Variants in MITF observed in about 807,000 individuals in gnomAD.
MITF encodes melanocyte inducing transcription factor, also known as microphthalmia-associated transcription factor.
MITF carries 17 observed loss-of-function variants against 60.5 expected under a neutral mutation model. The ratio of observed to expected loss-of-function variants is 0.28; its 90% CI spans 0.19 to 0.42. MITF has a LOEUF of 0.42. Among genes scored for constraint, MITF ranks in the 10% least tolerant of loss-of-function variants. The pLI, the probability that MITF is intolerant of heterozygous loss-of-function variation, is 1.00. For synonymous variants in MITF, 260 were observed against 248.5 expected (o/e 1.05, Z -0.43); for missense variants, 622 against 683.5 (o/e 0.91, Z 1.00).
chr3:69,783,441 G>A (rs1199998996), intron 1 of MITF, among the ~76,000 whole-genome samples: 3 of 151,282 alleles, frequency 2.0e-5, no homozygotes, highest in Non-Finnish European at 2.9e-5. Flanking sequence ...GTTTGTATGT[G>A]TGTGTGTGCA....
At chr3:69,849,652 T>C (rs1374489559) in intron 1 of MITF, among the ~76,000 whole-genome samples, 1 of 152,196 alleles carries the variant, frequency 6.6e-6, no homozygotes, top group Non-Finnish European at 1.5e-5. Flanking sequence ...TTGAGGCTAG[T>C]ACTCTCTGAC....
At chr3:69,770,225 T>C (rs905610455) in intron 1 of MITF, among the ~76,000 whole-genome samples, 4 of 152,208 alleles carry the variant, frequency 2.6e-5, no homozygotes, top group African/African-American at 9.6e-5. Context: ...ATTATGTTGA[T>C]ACTTGAGTAT....
intron 5 of MITF, among the ~76,000 whole-genome samples, chr3:69,945,720 C>T (rs1449825605): frequency 1.3e-5 from 2 of 152,204 alleles, no homozygotes; most frequent in Admixed American, 6.5e-5. Flanking sequence ...TGGTGGGAGA[C>T]TGTCCTGTGC....
At chr3:69,815,116 AC>A (rs1279212772) in intron 1 of MITF, among the ~76,000 whole-genome samples, 1 of 152,200 alleles carries the variant, frequency 6.6e-6, no homozygotes, top group Non-Finnish European at 1.5e-5. Context: ...TACCATAAAT[AC>A]AATATGACCC....
Position 69,802,442 on chromosome 3 carries a change from G to T in MITF, c.104+62741G>T, listed in dbSNP as rs147094194. 1.1e-3 allele frequency among the ~76,000 whole-genome samples: 171 copies of T among 152,232 alleles called. 1 individual carries two copies. Among genetic ancestry groups the T allele is most frequent in the Non-Finnish European group, 2.0e-3 (136 of 68,014 alleles). Reference sequence around the variant, plus strand: ...ATTCCTTCATGAAAATCCAGGGAGTGAAATAAAGTTAGTTTTTGGCAAGTC... The same window carrying T: ...ATTCCTTCATGAAAATCCAGGGAGTTAAATAAAGTTAGTTTTTGGCAAGTC... On this transcript the variant is annotated intron_variant, in intron 1 of 9. Transcript: ENST00000352241.
intron 1 of MITF, among the ~76,000 whole-genome samples, chr3:69,767,229 T>A (rs760053449): frequency 4.7e-4 from 71 of 152,268 alleles, no homozygotes; most frequent in Non-Finnish European, 6.0e-4. Flanking sequence ...ATGGCCAGCC[T>A]GTAATTCATG....
chr3:69,770,234 A>T (rs1002529275), intron 1 of MITF, among the ~76,000 whole-genome samples: 23 of 152,218 alleles, frequency 1.5e-4, no homozygotes, highest in African/African-American at 3.9e-4. Flanking sequence ...ATACTTGAGT[A>T]TATAGTATGA....
intron 1 of MITF, among the ~76,000 whole-genome samples, chr3:69,742,689 A>G (rs1303060533): frequency 6.6e-6 from 1 of 152,164 alleles, no homozygotes; most frequent in Non-Finnish European, 1.5e-5. Context: ...AGTCTTAAGA[A>G]CATTAAGTGT....
At chr3:69,842,735 G>A (rs370324532) in intron 1 of MITF, among the ~76,000 whole-genome samples, 3 of 127,114 alleles carry the variant, frequency 2.4e-5, no homozygotes, top group East Asian at 2.0e-4. Context: ...CAAAATCAAC[G>A]TGATGGCAGA....
chr3:69,909,757 G>T (rs2065182493), intron 2 of MITF, among the ~76,000 whole-genome samples: 1 of 152,186 alleles, frequency 6.6e-6, no homozygotes, highest in Non-Finnish European at 1.5e-5. Context: ...GTATCTGGCG[G>T]AAGAAATTTC....
chr3:69,778,906 G>A (rs1207587633), intron 1 of MITF: 4 of 151,968 alleles, frequency 2.6e-5, no homozygotes, highest in South Asian at 2.1e-4. Flanking sequence ...GGTGTTCGCC[G>A]GCTGATGTGC....
At chr3:69,773,505 A>T (rs2062424591) in intron 1 of MITF, among the ~76,000 whole-genome samples, 1 of 152,162 alleles carries the variant, frequency 6.6e-6, no homozygotes, top group Admixed American at 6.5e-5. Flanking sequence ...TAAATTCAGC[A>T]TCCTTAGCTT....
intron 5 of MITF, among the ~76,000 whole-genome samples, chr3:69,946,363 A>G (rs1446329097): frequency 1.3e-5 from 2 of 152,136 alleles, no homozygotes; most frequent in African/African-American, 4.8e-5. Flanking sequence ...CAGGGTTTTT[A>G]TTTCCTCAGG....
At chr3:69,756,092 A>G (rs1444014258) in intron 1 of MITF, among the ~76,000 whole-genome samples, 3 of 151,910 alleles carry the variant, frequency 2.0e-5, no homozygotes, top group Non-Finnish European at 1.5e-5. Flanking sequence ...CTAACCACAT[A>G]GTCAATTCTC....
chr3:69,907,230 T>G lies in MITF; in HGVS notation c.354+27847T>G, dbSNP rs1268088421. 2.6e-5 allele frequency among the ~76,000 whole-genome samples: 4 copies of G among 152,186 alleles called. No individual in the cohort carries two copies. In the East Asian group the frequency reaches 7.7e-4, roughly 29 times the overall value. On this transcript the variant is annotated intron_variant, in intron 2 of 9. Coordinates refer to ENST00000352241, the MANE Select transcript of MITF (RefSeq NM_001354604.2). The stretch of plus-strand genomic sequence containing the variant: ...TAAGTCGTCCATTGAGCTCTGGAAC[T>G]CCTACTTTCTATGTCCAAAACTTTC...
chr3:69,862,291 A>C (rs1157355569), intron 1 of MITF, among the ~76,000 whole-genome samples: 2 of 152,180 alleles, frequency 1.3e-5, no homozygotes, highest in East Asian at 3.9e-4. Flanking sequence ...ATAGGAAGAC[A>C]GGTTGGGGAA....
intron 1 of MITF, among the ~76,000 whole-genome samples, chr3:69,833,365 T>G (rs1033220437): frequency 6.6e-6 from 1 of 152,240 alleles, no homozygotes; most frequent in Non-Finnish European, 1.5e-5. Flanking sequence ...TGTTTTTCTA[T>G]TTACACTGTA....
At chr3:69,788,134 T>C (rs1206749451) in intron 1 of MITF, among the ~76,000 whole-genome samples, 1 of 150,718 alleles carries the variant, frequency 6.6e-6, no homozygotes, top group East Asian at 1.9e-4. Context: ...TTCTTTTTCT[T>C]TTTTTTTTTA....
At chr3:69,852,531 G>T (rs1447891090) in intron 1 of MITF, among the ~76,000 whole-genome samples, 1 of 152,168 alleles carries the variant, frequency 6.6e-6, no homozygotes, top group African/African-American at 2.4e-5. Flanking sequence ...TCCATTGTAT[G>T]ATTACATCAC....
Sources: allele counts gnomAD v4.1 joint callset (sites outside exome capture counted in the v4.1 genomes callset), GRCh38; gene constraint gnomAD v4.1.1; transcripts MANE v1.5; gene names NCBI Gene and HGNC (gene_info 2026-07-23, HGNC 2026-07-21).